Variants in PCDH7 observed in about 807,000 individuals in gnomAD.
PCDH7 encodes protocadherin-7.
PCDH7 carries 17 observed loss-of-function variants against 58.9 expected under a neutral mutation model. The ratio of observed to expected loss-of-function variants is 0.29; its 90% CI spans 0.20 to 0.43. The LOEUF (loss-of-function observed/expected upper bound fraction) is 0.43. PCDH7 is among the 20% of genes least tolerant of loss of function. PCDH7 has a pLI of 1.00. For missense variants in PCDH7, 1,274 were observed against 1,441.0 expected (o/e 0.88, Z 1.88); for synonymous variants, 664 against 616.4 (o/e 1.08, Z -1.14).
intron 3 of PCDH7, among the ~76,000 whole-genome samples, chr4:31,009,647 A>G (rs921576136): frequency 1.3e-4 from 20 of 152,030 alleles, no homozygotes; most frequent in Admixed American, 1.3e-3. Flanking sequence ...ATATCTATAT[A>G]TATTCATCAT....
At chr4:31,066,279 G>T (rs1033477114) in intron 3 of PCDH7, among the ~76,000 whole-genome samples, 2 of 151,874 alleles carry the variant, frequency 1.3e-5, no homozygotes, top group African/African-American at 4.8e-5. Context: ...GTTAAATGAA[G>T]AACATAGAGC....
Position 30,897,786 on chromosome 4 carries a change from G to T in PCDH7, c.71-22367G>T, listed in dbSNP as rs537170077. Among the ~76,000 whole-genome samples, 254 of 152,314 alleles carry T rather than the reference G, an allele frequency of 1.7e-3. 1 individual carries two copies. Among genetic ancestry groups the T allele is most frequent in the African/African-American group, 5.8e-3 (240 of 41,582 alleles). ...ATATTGTAAACCAATGAAATAGGTT[G>T]TACTTTTTTGTAGTGATATCCTGGG... On this transcript the variant is annotated intron_variant, in intron 1 of 3. Transcript: ENST00000509759.
At chr4:31,024,487 G>A (rs1021282336) in intron 3 of PCDH7, among the ~76,000 whole-genome samples, 1 of 152,042 alleles carries the variant, frequency 6.6e-6, no homozygotes, top group Non-Finnish European at 1.5e-5. Context: ...TGAAGCTCAA[G>A]AAAATTTTAT....
At chr4:30,986,195 G>A (rs1284795883) in intron 3 of PCDH7, among the ~76,000 whole-genome samples, 1 of 152,082 alleles carries the variant, frequency 6.6e-6, no homozygotes, top group Non-Finnish European at 1.5e-5. Flanking sequence ...TATGGAGTCT[G>A]AGACATCTAA....
At chr4:30,749,480 C>A (rs2109256597) in intron 1 of PCDH7, among the ~76,000 whole-genome samples, 1 of 152,210 alleles carries the variant, frequency 6.6e-6, no homozygotes, top group South Asian at 2.1e-4. Flanking sequence ...AACATAAAAT[C>A]ATCAAATACA....
downstream of PCDH7, chr4:31,145,787 G>C (rs1425362861): frequency 2.6e-5 from 4 of 152,038 alleles, no homozygotes; most frequent in Non-Finnish European, 5.9e-5. Context: ...GTAACACAGA[G>C]ATACTATCAG....
chr4:31,124,641 G>A (rs1205268859), intron 3 of PCDH7, among the ~76,000 whole-genome samples: 1 of 152,084 alleles, frequency 6.6e-6, no homozygotes, highest in Non-Finnish European at 1.5e-5. Flanking sequence ...GATTGTGACC[G>A]TACAACCAAA....
intron 1 of PCDH7, among the ~76,000 whole-genome samples, chr4:30,777,888 G>A (rs1360039311): frequency 6.6e-6 from 1 of 151,970 alleles, no homozygotes; most frequent in Non-Finnish European, 1.5e-5. Flanking sequence ...AATCTTATCT[G>A]CTTGTACATT....
rs77867020 is a variant in PCDH7 at position 30,995,634 on chromosome 4, G to A, written c.*7+45419G>A. ...TTATTATCTTACAGTTCTGGAGTTC[G>A]GAAGTCCAAAGTGTATCTCACTGAA... is the stretch of plus-strand genomic sequence containing the variant. On this transcript the variant is annotated intron_variant, in intron 3 of 3. Transcript: ENST00000509759. Among the ~76,000 whole-genome samples the A allele has an allele frequency of 5.0e-3, 760 of 152,196 alleles. 7 individuals are homozygous for A. Among genetic ancestry groups the A allele is most frequent in the African/African-American group, 0.016 (676 of 41,516 alleles).
intron 3 of PCDH7, among the ~76,000 whole-genome samples, chr4:30,990,469 C>G (rs1751375130): frequency 6.6e-6 from 1 of 152,056 alleles, no homozygotes; most frequent in Non-Finnish European, 1.5e-5. Flanking sequence ...AGAAAGAATT[C>G]TTACCCTTTC....
intron 1 of PCDH7, among the ~76,000 whole-genome samples, chr4:30,886,762 G>A (rs1231942486): frequency 1.3e-5 from 2 of 151,288 alleles, no homozygotes; most frequent in Non-Finnish European, 1.5e-5. Context: ...AGAAAATGTG[G>A]CACATATACA....
chr4:30,849,658 T>C (rs944692288), intron 1 of PCDH7, among the ~76,000 whole-genome samples: 3 of 152,154 alleles, frequency 2.0e-5, no homozygotes, highest in East Asian at 3.9e-4. Context: ...AATATAAACC[T>C]GCTGCTTGTT....
Position 30,722,251 on chromosome 4 carries a change from A to G in PCDH7, c.829A>G (p.Thr277Ala). ...CGAGCAGCGCGACTCCTACGAGCTG[A>G]CCCTGCGAGTGCGCGACGGCGGCGA... The change falls in exon 1 of 2, where the codon ACC (threonine) becomes GCC (alanine). Residue 277 changes from threonine to alanine, a missense_variant. Coordinates refer to ENST00000361762, the Ensembl canonical transcript of PCDH7. This position sits in a 1 kb window ranked among gnomAD's most constrained non-coding sequence, Gnocchi z 7.6. 6.3e-7 allele frequency: 1 copy of G among 1,596,358 alleles called. No individual in the cohort carries two copies. Among genetic ancestry groups the G allele is most frequent in the Non-Finnish European group, 8.5e-7 (1 of 1,172,596 alleles).
At chr4:30,801,896 CAG>C in intron 1 of PCDH7, among the ~76,000 whole-genome samples, 1 of 152,170 alleles carries the variant, frequency 6.6e-6, no homozygotes, top group Admixed American at 6.5e-5. Flanking sequence ...ATTTAGATTC[CAG>C]AGAGAGAATG....
intron 2 of PCDH7, among the ~76,000 whole-genome samples, chr4:30,924,267 C>T (rs902914504): frequency 6.6e-6 from 1 of 152,168 alleles, no homozygotes; most frequent in Non-Finnish European, 1.5e-5. Flanking sequence ...AAACACCTTG[C>T]TTGGCTTCTC....
At chr4:30,886,233 G>C (rs1451792869) in intron 1 of PCDH7, among the ~76,000 whole-genome samples, 1 of 148,106 alleles carries the variant, frequency 6.8e-6, no homozygotes, top group African/African-American at 2.5e-5. Context: ...TCTGACAAAG[G>C]GCTAATATCC....
At chr4:30,904,049 C>A (rs1380231591) in intron 1 of PCDH7, among the ~76,000 whole-genome samples, 1 of 152,054 alleles carries the variant, frequency 6.6e-6, no homozygotes, top group African/African-American at 2.4e-5. Flanking sequence ...AGGGAACACC[C>A]ATTTAAATTT....
chr4:30,884,241 T>A (rs115399972), intron 1 of PCDH7, among the ~76,000 whole-genome samples: 4,128 of 152,204 alleles, frequency 0.027, 80 homozygotes, highest in Non-Finnish European at 0.044. Context: ...TGGTAGGCAT[T>A]TTTGGCACTG....
At chr4:30,776,781 G>C (rs1371804670) in intron 1 of PCDH7, among the ~76,000 whole-genome samples, 1 of 151,784 alleles carries the variant, frequency 6.6e-6, no homozygotes, top group East Asian at 1.9e-4. Context: ...AAACCTACAG[G>C]CTTAACACCA....
Sources: gnomAD v4.1 joint callset for allele counts (sites outside exome capture counted in the v4.1 genomes callset) on GRCh38, gnomAD v4.1.1 for gene constraint, Gnocchi (gnomAD v3.1) non-coding constraint, MANE v1.5 for transcripts, NCBI Gene and HGNC (gene_info 2026-07-23, HGNC 2026-07-21) for gene names.